The following LHFPL3 variants were observed in gnomAD, a reference collection of about 807,000 sequenced individuals.
LHFPL3 encodes the protein LHFPL tetraspan subfamily member 3 protein.
In LHFPL3, 5 loss-of-function variants were observed where a neutral mutation model predicts 19.3. The observed-to-expected ratio is 0.26, with a 90% CI of 0.14 to 0.54. The LOEUF is 0.54. Ranked by LOEUF, LHFPL3 falls within the 20% of genes least tolerant of loss-of-function variation. The pLI, the probability that LHFPL3 is intolerant of heterozygous loss-of-function variation, is 0.94. For missense variants in LHFPL3, 249 were observed against 307.4 expected (o/e 0.81, Z 1.42); for synonymous variants, 133 against 126.2 (o/e 1.05, Z -0.36).
At chr7:104,667,615 C>T in intron 1 of LHFPL3, 1 of 675,462 alleles carries the variant, frequency 1.5e-6, no homozygotes. Context: ...ATTTGTTATC[C>T]ATTTAGTGTA....
At chr7:104,341,692 CCACCAGCCCCAGTT>C (rs1480036479) in intron 1 of LHFPL3, among the ~76,000 whole-genome samples, 1 of 152,106 alleles carries the variant, frequency 6.6e-6, no homozygotes, top group Non-Finnish European at 1.5e-5. Flanking sequence ...GGGTCAGGAT[CCACCAGCCCCAGTT>C]CACTTTGCTG....
chr7:104,701,925 C>T (rs945144979), intron 1 of LHFPL3, among the ~76,000 whole-genome samples: 3 of 152,004 alleles, frequency 2.0e-5, no homozygotes, highest in African/African-American at 7.3e-5. Flanking sequence ...ATTCAGGTTA[C>T]ATAGGTATAC....
chr7:104,353,350 A>G (rs1413238439), intron 1 of LHFPL3, among the ~76,000 whole-genome samples: 2 of 152,196 alleles, frequency 1.3e-5, no homozygotes, highest in African/African-American at 4.8e-5. Context: ...AGACCACATG[A>G]GGATGGTAAG....
intron 1 of LHFPL3, among the ~76,000 whole-genome samples, chr7:104,627,221 G>A (rs1791561677): frequency 2.0e-5 from 3 of 151,796 alleles, no homozygotes; most frequent in Admixed American, 6.6e-5. Flanking sequence ...ACAATCATGC[G>A]GTATTTGACT....
intron 1 of LHFPL3, among the ~76,000 whole-genome samples, chr7:104,355,269 C>G (rs1408970295): frequency 6.6e-6 from 1 of 152,128 alleles, no homozygotes; most frequent in Non-Finnish European, 1.5e-5. Context: ...ATCCCCAATT[C>G]CCCCAATGGT....
intron 2 of LHFPL3, among the ~76,000 whole-genome samples, chr7:104,874,447 T>G (rs1191989964): frequency 1.4e-5 from 2 of 147,586 alleles, no homozygotes; most frequent in African/African-American, 5.0e-5. Flanking sequence ...CAGACTGGAG[T>G]GCAGTGGTGC....
intron 1 of LHFPL3, among the ~76,000 whole-genome samples, chr7:104,552,191 C>T (rs185238992): frequency 1.2e-4 from 18 of 152,274 alleles, no homozygotes; most frequent in African/African-American, 2.4e-4. Flanking sequence ...GCATCAAAGA[C>T]GCACCAGGCA....
At chr7:104,353,669 G>T (rs138591793) in intron 1 of LHFPL3, among the ~76,000 whole-genome samples, 2 of 152,338 alleles carry the variant, frequency 1.3e-5, no homozygotes, top group African/African-American at 2.4e-5. Context: ...AGGGCGGGAA[G>T]ATTGTGCTTC....
chr7:104,366,803 C>T (rs1273861840), intron 1 of LHFPL3, among the ~76,000 whole-genome samples: 1 of 151,964 alleles, frequency 6.6e-6, no homozygotes, highest in Non-Finnish European at 1.5e-5. Flanking sequence ...AATACAATAT[C>T]GAGAAAATGA....
At chr7:104,845,451 T>C (rs984085788) in intron 2 of LHFPL3, 2 of 1,535,650 alleles carry the variant, frequency 1.3e-6, no homozygotes, top group African/African-American at 1.4e-5. Context: ...CATGGCTTTG[T>C]GGGTTCAGCT....
At chr7:104,828,449 G>T (rs1191435326) in intron 2 of LHFPL3, among the ~76,000 whole-genome samples, 1 of 151,974 alleles carries the variant, frequency 6.6e-6, no homozygotes, top group African/African-American at 2.4e-5. Flanking sequence ...CTCAAATCCA[G>T]CCCCTTCCTC....
At chr7:104,757,988 G>T (rs1346039939) in intron 2 of LHFPL3, among the ~76,000 whole-genome samples, 1 of 152,164 alleles carries the variant, frequency 6.6e-6, no homozygotes, top group Non-Finnish European at 1.5e-5. Flanking sequence ...TAAAGAAAAT[G>T]TGGTACATAT....
chr7:104,472,661 T>A (rs1792934903), intron 1 of LHFPL3, among the ~76,000 whole-genome samples: 1 of 152,204 alleles, frequency 6.6e-6, no homozygotes, highest in Non-Finnish European at 1.5e-5. Flanking sequence ...GTAACTCGTT[T>A]TTTTCAACCA....
intron 2 of LHFPL3, among the ~76,000 whole-genome samples, chr7:104,844,535 T>C (rs1791276376): frequency 6.6e-6 from 1 of 152,242 alleles, no homozygotes; most frequent in Non-Finnish European, 1.5e-5. Flanking sequence ...AACTTTTGTC[T>C]TTTTCCCTTG....
At chr7:104,493,236 C>T (rs554754943) in intron 1 of LHFPL3, among the ~76,000 whole-genome samples, 1 of 152,186 alleles carries the variant, frequency 6.6e-6, no homozygotes, top group East Asian at 1.9e-4. Context: ...ATGTGCTTCC[C>T]CTTGGACACA....
chr7:104,612,720 G>T (rs1036173913), intron 1 of LHFPL3, among the ~76,000 whole-genome samples: 1 of 152,124 alleles, frequency 6.6e-6, no homozygotes, highest in African/African-American at 2.4e-5. Context: ...GTAATTGTGG[G>T]CCAATACAGG....
At chr7:104,357,805 C>T (rs1790311388) in intron 1 of LHFPL3, among the ~76,000 whole-genome samples, 1 of 152,158 alleles carries the variant, frequency 6.6e-6, no homozygotes, top group Admixed American at 6.5e-5. Flanking sequence ...CCTCCAGCTT[C>T]CTCTTTCCTC....
intron 1 of LHFPL3, among the ~76,000 whole-genome samples, chr7:104,717,383 A>G (rs1793406769): frequency 6.6e-6 from 1 of 152,220 alleles, no homozygotes. Flanking sequence ...ATGGCATGGG[A>G]GAAAATATTT....
At chr7:104,472,331 G>C (rs1792927922) in intron 1 of LHFPL3, among the ~76,000 whole-genome samples, 1 of 152,042 alleles carries the variant, frequency 6.6e-6, no homozygotes, top group Non-Finnish European at 1.5e-5. Context: ...TAGGAATCCA[G>C]ACTCACTTCC....
Sources: gnomAD v4.1 joint callset for allele counts (sites outside exome capture counted in the v4.1 genomes callset) on GRCh38, gnomAD v4.1.1 for gene constraint, MANE v1.5 for transcripts, NCBI Gene and HGNC (gene_info 2026-07-23, HGNC 2026-07-21) for gene names.